DGKH: variants seen among roughly 807,000 people sequenced by gnomAD.
The protein encoded by DGKH is DAG kinase eta.
A neutral mutation model predicts 159.3 loss-of-function variants in DGKH; 90 were observed. That is an observed-to-expected ratio of 0.57 (90% confidence interval 0.48 to 0.67). The LOEUF is 0.67. DGKH is among the 30% of genes least tolerant of loss of function. DGKH has a pLI of 0.00. For synonymous variants in DGKH, 536 were observed against 553.8 expected (o/e 0.97, Z 0.45); for missense variants, 1,181 against 1,506.1 (o/e 0.78, Z 3.57).
intron 9 of DGKH, among the ~76,000 whole-genome samples, chr13:42,166,934 C>T (rs1956328850): frequency 6.6e-6 from 1 of 152,064 alleles, no homozygotes; most frequent in African/African-American, 2.4e-5. Flanking sequence ...ATTTCTTTAG[C>T]TCCAAGAAAG....
intron 13 of DGKH, among the ~76,000 whole-genome samples, chr13:42,183,017 G>T (rs900967348): frequency 6.6e-6 from 1 of 152,090 alleles, no homozygotes. Context: ...GACCAGGCAT[G>T]GTGGTCCATG....
At chr13:42,225,376 A>G (rs1390312349) in intron 29 of DGKH, 5 of 1,534,904 alleles carry the variant, frequency 3.3e-6, no homozygotes, top group Admixed American at 4.0e-5. Flanking sequence ...TGTTTTTTCT[A>G]TTTGGAAAGT....
intron 13 of DGKH, among the ~76,000 whole-genome samples, chr13:42,184,225 T>A (rs1956849831): frequency 6.6e-6 from 1 of 152,212 alleles, no homozygotes; most frequent in South Asian, 2.1e-4. Flanking sequence ...TTTTATTAGA[T>A]GAAAAATGAA....
At chr13:42,133,906 T>G (rs1033721103) in intron 3 of DGKH, among the ~76,000 whole-genome samples, 2 of 152,146 alleles carry the variant, frequency 1.3e-5, no homozygotes, top group Admixed American at 1.3e-4. Flanking sequence ...CCTTCCTCAA[T>G]TATTGTGACT....
chr13:42,089,943 AC>A (rs1369713918), intron 1 of DGKH, among the ~76,000 whole-genome samples: 2 of 152,216 alleles, frequency 1.3e-5, no homozygotes, highest in Non-Finnish European at 2.9e-5. Context: ...TAGAAAAAAA[AC>A]AAACCCCAGA....
At chr13:42,176,457 T>G (rs9533023) in intron 12 of DGKH, among the ~76,000 whole-genome samples, 146,893 of 152,254 alleles carry the variant, frequency 0.96, 70,937 homozygotes, top group Non-Finnish European at 0.99. Flanking sequence ...ATGCAACATC[T>G]TGTGTAACTT....
rs185709832 is a variant in DGKH at position 42,106,342 on chromosome 13, G to T, written c.193-21121G>T. 3.8e-3 allele frequency among the ~76,000 whole-genome samples: 571 copies of T among 152,212 alleles called. 5 individuals are homozygous for T. The highest frequency in any genetic ancestry group is 3.7e-3 in the Non-Finnish European group (252 of 68,000). ...TGTGTTTCTTAGGCATCTGGATGAAGTCATCTTTATTTGCCATGCCTTCCA... is the reference window on the plus strand; with the variant it reads ...TGTGTTTCTTAGGCATCTGGATGAATTCATCTTTATTTGCCATGCCTTCCA... On this transcript the variant is annotated intron_variant, in intron 1 of 29. Coordinates refer to ENST00000337343, the MANE Select transcript of DGKH (RefSeq NM_178009.5).
chr13:42,044,046 A>G (rs1369224275), upstream of DGKH: 6 of 152,016 alleles, frequency 3.9e-5, no homozygotes, highest in Non-Finnish European at 8.8e-5. Context: ...GTGCGCACCT[A>G]TAGTTCTAGA....
intron 4 of DGKH, 56 bp downstream of exon 4, chr13:42,155,451 A>G: frequency 6.4e-7 from 1 of 1,550,832 alleles, no homozygotes; most frequent in Non-Finnish European, 8.9e-7. Context: ...TGTTAACCAA[A>G]GGGCTAGAGC....
At chr13:42,250,025 C>T (rs2138338075) in intron 29 of DGKH, among the ~76,000 whole-genome samples, 1 of 150,518 alleles carries the variant, frequency 6.6e-6, no homozygotes, top group Non-Finnish European at 1.5e-5. Context: ...GGCTGGAGTG[C>T]AGTGGCGCGA....
At chr13:42,251,051 T>C (rs888545633) in intron 29 of DGKH, among the ~76,000 whole-genome samples, 5 of 152,214 alleles carry the variant, frequency 3.3e-5, no homozygotes, top group Admixed American at 2.6e-4. Context: ...ATAGAAATTA[T>C]CTTGATACAG....
chr13:42,214,941 G>A (rs1018994590), intron 25 of DGKH, among the ~76,000 whole-genome samples: 2 of 151,672 alleles, frequency 1.3e-5, no homozygotes, highest in African/African-American at 4.9e-5. Context: ...TTGTTAAAGG[G>A]CAATCCTAGA....
intron 23 of DGKH, among the ~76,000 whole-genome samples, chr13:42,209,739 A>T (rs1434897951): frequency 6.6e-6 from 1 of 152,130 alleles, no homozygotes; most frequent in Non-Finnish European, 1.5e-5. Flanking sequence ...TACACATGTA[A>T]ATTCCCCTGT....
chr13:42,205,313 G>A (rs1957437929), intron 20 of DGKH, among the ~76,000 whole-genome samples: 1 of 151,916 alleles, frequency 6.6e-6, no homozygotes, highest in African/African-American at 2.4e-5. Flanking sequence ...TTCCTTAATA[G>A]CCAACTAGAC....
chr13:42,225,842 A>T (rs1180852662), intron 29 of DGKH, among the ~76,000 whole-genome samples: 1 of 151,964 alleles, frequency 6.6e-6, no homozygotes. Flanking sequence ...GATAGAACAA[A>T]TGTCACAGCA....
At chr13:42,116,936 G>T (rs988741948) in intron 1 of DGKH, among the ~76,000 whole-genome samples, 1 of 152,092 alleles carries the variant, frequency 6.6e-6, no homozygotes, top group Admixed American at 6.6e-5. Flanking sequence ...TCAAAGTCAG[G>T]TTCATTGATC....
At chr13:42,146,150 C>CTTTTT (rs57139526) in intron 3 of DGKH, among the ~76,000 whole-genome samples, 10,067 of 110,100 alleles carry the variant, frequency 0.091, 1,059 homozygotes, top group Non-Finnish European at 0.13. Context: ...TCTGGGGAGG[C>CTTTTT]TTTTTTTTTT....
At chr13:42,221,592 AC>A (rs1166619014) in intron 29 of DGKH, among the ~76,000 whole-genome samples, 198 bp downstream of exon 29, 1 of 151,994 alleles carries the variant, frequency 6.6e-6, no homozygotes, top group African/African-American at 2.4e-5. Flanking sequence ...TGTCAGAATC[AC>A]TCTATTATAG....
At chr13:42,220,626 T>C (rs1408904426) in intron 28 of DGKH, among the ~76,000 whole-genome samples, 1 of 152,210 alleles carries the variant, frequency 6.6e-6, no homozygotes, top group Non-Finnish European at 1.5e-5. Flanking sequence ...ATTAAGCTAA[T>C]CAATGTTGAA....
Sources: gnomAD v4.1 joint callset for allele counts (sites outside exome capture counted in the v4.1 genomes callset) on GRCh38, gnomAD v4.1.1 for gene constraint, MANE v1.5 for transcripts, NCBI Gene and HGNC (gene_info 2026-07-23, HGNC 2026-07-21) for gene names.